Variants in CADPS observed in about 807,000 individuals in gnomAD.
CADPS encodes the protein calcium-dependent secretion activator 1.
A neutral mutation model predicts 167.3 loss-of-function variants in CADPS; 57 were observed. That is an observed-to-expected ratio of 0.34 (90% confidence interval 0.28 to 0.42). The LOEUF is 0.42. Ranked by LOEUF, CADPS falls within the 20% of genes least tolerant of loss-of-function variation. The pLI, the probability that CADPS is intolerant of heterozygous loss-of-function variation, is 1.00. For missense variants in CADPS, 1,414 were observed against 1,738.1 expected (o/e 0.81, Z 3.32); for synonymous variants, 676 against 635.3 (o/e 1.06, Z -0.96).
intron 6 of CADPS, among the ~76,000 whole-genome samples, chr3:62,638,107 A>ATATATATATATATATATATG (rs1579348080): frequency 7.3e-5 from 11 of 150,392 alleles, no homozygotes; most frequent in African/African-American, 2.7e-4. Flanking sequence ...ATATATATAT[A>ATATATATATATATATATATG]GCAATTAATT....
intron 3 of CADPS, among the ~76,000 whole-genome samples, chr3:62,750,760 G>T (rs1219061211): frequency 6.6e-6 from 1 of 152,190 alleles, no homozygotes; most frequent in African/African-American, 2.4e-5. Flanking sequence ...TTCATAGCCA[G>T]ATTCTCCACT....
chr3:62,847,179 C>A (rs958433258), intron 1 of CADPS, among the ~76,000 whole-genome samples: 13 of 151,326 alleles, frequency 8.6e-5, no homozygotes, highest in African/African-American at 2.9e-4. Context: ...TTCTTATCAA[C>A]CTGAGAGAAT....
Position 62,560,861 on chromosome 3 carries a change from A to T in CADPS, c.1645-3348T>A, listed in dbSNP as rs116653506. On this transcript the variant is annotated intron_variant, in intron 9 of 29. Transcript: ENST00000383710. ...TTTGGGAGGCTGAGATGGGTAGATT[A>T]TGAGGTCAGGAGTTTGAGACCAGCC... Among the ~76,000 whole-genome samples the T allele has an allele frequency of 5.9e-3, 897 of 152,182 alleles. 13 individuals carry two copies. Among genetic ancestry groups the T allele is most frequent in the African/African-American group, 0.021 (861 of 41,534 alleles).
chr3:62,481,000 G>T (rs2061938517), intron 22 of CADPS, among the ~76,000 whole-genome samples: 1 of 152,186 alleles, frequency 6.6e-6, no homozygotes, highest in Non-Finnish European at 1.5e-5. Flanking sequence ...TCATGTGGAT[G>T]AGTATAAAGC....
chr3:62,619,487 G>T (rs1391152420), intron 6 of CADPS, among the ~76,000 whole-genome samples: 3 of 152,106 alleles, frequency 2.0e-5, no homozygotes, highest in African/African-American at 7.2e-5. Context: ...ACAAGAAGAT[G>T]CTCTCTGTTG....
Position 62,466,579 on chromosome 3 carries a change from A to C in CADPS, c.3478-166T>G, listed in dbSNP as rs891756943. On this transcript the variant is annotated intron_variant, in intron 24 of 29. Coordinates refer to ENST00000383710, the MANE Select transcript of CADPS (RefSeq NM_003716.4). ...AAGATCCTGACTCCAGTTCTTTGAT[A>C]GAGAGAGATCTGAAGCTCTTAAAAA... The C allele has an allele frequency of 8.9e-6, 6 of 676,268 alleles. No homozygotes were observed. In the East Asian group the frequency reaches 1.7e-4, roughly 19 times the overall value. The allele number at this position is 676,268 out of a possible 1,614,324, so 41.9% of individuals were successfully genotyped here. A position where few individuals can be genotyped will look rare whatever the true frequency, so the allele number is the denominator to read the frequency against.
chr3:62,440,372 A>G (rs554063274), intron 27 of CADPS: 39 of 152,286 alleles, frequency 2.6e-4, no homozygotes, highest in African/African-American at 9.1e-4. Context: ...GCTATCTATA[A>G]AATGGGATTA....
intron 3 of CADPS, among the ~76,000 whole-genome samples, chr3:62,728,134 G>A (rs1488987906): frequency 6.6e-6 from 1 of 151,762 alleles, no homozygotes; most frequent in Non-Finnish European, 1.5e-5. Context: ...TATTTAGGCT[G>A]CTGCAAAAGT....
chr3:62,748,355 A>AAAAAAAAAAAAC (rs1166095097), intron 3 of CADPS, among the ~76,000 whole-genome samples: 3 of 147,584 alleles, frequency 2.0e-5, no homozygotes, highest in African/African-American at 7.4e-5. Context: ...AAAAAAAAAA[A>AAAAAAAAAAAAC]AAAAAAAAAA....
chr3:62,491,544 CACACACACACACAA>C lies in CADPS; in HGVS notation c.2885-78_2885-65del, dbSNP rs1214361739. 154 of 1,113,698 alleles carry C rather than the reference CACACACACACACAA, an allele frequency of 1.4e-4. 1 individual carries two copies. Among genetic ancestry groups the C allele is most frequent in the African/African-American group, 8.9e-4 (45 of 50,660 alleles). 69.0% of individuals were successfully genotyped at this position (1,113,698 alleles called of 1,614,324 possible). A position where few individuals can be genotyped will look rare whatever the true frequency, so the allele number is the denominator to read the frequency against. On this transcript the variant is annotated intron_variant, in intron 20 of 29. Coordinates refer to ENST00000383710, the MANE Select transcript of CADPS (RefSeq NM_003716.4). Reference sequence around the variant, plus strand: ...CTACTTTATCAACGTACAACACACACACACACACACACAAACACACACACACACACACACACACA... The same window carrying C: ...CTACTTTATCAACGTACAACACACACACACACACACACACACACACACACA...
intron 26 of CADPS, among the ~76,000 whole-genome samples, chr3:62,463,067 T>C (rs1207944375): frequency 6.6e-6 from 1 of 152,194 alleles, no homozygotes; most frequent in Non-Finnish European, 1.5e-5. Flanking sequence ...CTGCCTTTGC[T>C]AGGCATGCTG....
At chr3:62,676,151 G>C (rs1460584252) in intron 3 of CADPS, among the ~76,000 whole-genome samples, 2 of 152,124 alleles carry the variant, frequency 1.3e-5, no homozygotes, top group African/African-American at 4.8e-5. Flanking sequence ...CCTAGACACA[G>C]AATTGATTTG....
intron 6 of CADPS, among the ~76,000 whole-genome samples, chr3:62,616,858 G>A (rs748637941): frequency 1.3e-5 from 2 of 152,092 alleles, no homozygotes; most frequent in Non-Finnish European, 2.9e-5. Flanking sequence ...TGCCCCAAAT[G>A]TTAAAAGTTT....
chr3:62,567,313 T>C (rs2080400389), intron 9 of CADPS, among the ~76,000 whole-genome samples: 1 of 152,102 alleles, frequency 6.6e-6, no homozygotes, highest in Non-Finnish European at 1.5e-5. Flanking sequence ...CCACCCAAGG[T>C]ATTGCCTGAG....
intron 4 of CADPS, among the ~76,000 whole-genome samples, chr3:62,653,455 T>C (rs1332442889): frequency 6.6e-6 from 1 of 152,196 alleles, no homozygotes; most frequent in Non-Finnish European, 1.5e-5. Context: ...CAAATTTCTC[T>C]TGTTTATGTC....
chr3:62,852,325 C>T (rs1403817684), intron 1 of CADPS, among the ~76,000 whole-genome samples: 3 of 152,126 alleles, frequency 2.0e-5, no homozygotes, highest in African/African-American at 7.2e-5. Context: ...TGAGGAACTG[C>T]GTTCCTCAGA....
intron 13 of CADPS, among the ~76,000 whole-genome samples, chr3:62,527,783 C>T (rs760281614): frequency 2.6e-5 from 4 of 152,062 alleles, no homozygotes; most frequent in African/African-American, 4.8e-5. Flanking sequence ...TTACCTAATC[C>T]GAATCTGGTT....
chr3:62,763,245 G>C (rs1441953709), intron 2 of CADPS, among the ~76,000 whole-genome samples: 1 of 152,148 alleles, frequency 6.6e-6, no homozygotes, highest in African/African-American at 2.4e-5. Flanking sequence ...CCATGTCTTT[G>C]CTAGGGAGCT....
intron 1 of CADPS, among the ~76,000 whole-genome samples, chr3:62,799,698 T>C (rs941648084): frequency 1.3e-5 from 2 of 152,064 alleles, no homozygotes; most frequent in African/African-American, 2.4e-5. Context: ...ACAAACTGTA[T>C]AATTTGGGGT....
Sources: gnomAD v4.1 joint callset for allele counts (sites outside exome capture counted in the v4.1 genomes callset) on GRCh38, gnomAD v4.1.1 for gene constraint, MANE v1.5 for transcripts, NCBI Gene and HGNC (gene_info 2026-07-23, HGNC 2026-07-21) for gene names.